DISP1: variants seen among roughly 807,000 people sequenced by gnomAD.
DISP1 encodes the protein protein dispatched homolog 1.
In DISP1, 30 loss-of-function variants were observed where a neutral mutation model predicts 37.3. That is an observed-to-expected ratio of 0.80 (90% CI 0.60 to 1.09). The LOEUF (loss-of-function observed/expected upper bound fraction) is 1.09. Among genes scored for constraint, DISP1 ranks in the 50% least tolerant of loss-of-function variants. The pLI, the probability that DISP1 is intolerant of heterozygous loss-of-function variation, is 0.00. For synonymous variants in DISP1, 634 were observed against 690.2 expected, an observed-to-expected ratio of 0.92 and a Z score of 1.28; for missense variants, 1,598 against 1,879.5, an observed-to-expected ratio of 0.85 and a Z score of 2.77.
chr1:222,849,613 G>A (rs1668112811), intron 1 of DISP1, among the ~76,000 whole-genome samples: 1 of 152,172 alleles, frequency 6.6e-6, no homozygotes, highest in Non-Finnish European at 1.5e-5. Flanking sequence ...AGGAGGCTGT[G>A]AAATTTGAAG....
In DISP1 at chr1:222,869,233, A is replaced by T. The variant is rs555252401; in HGVS notation, c.-159+54155A>T. On this transcript the variant is annotated intron_variant, in intron 1 of 8. Transcript: ENST00000675850. ...AGGCTATTTGTTTGTTTTAGATCAC[A>T]GGTACTAATAAAAGAAAAATATTTT... 3.3e-5 allele frequency among the ~76,000 whole-genome samples: 5 copies of T among 152,280 alleles called. No individual in the cohort carries two copies. The South Asian group carries it at 1.0e-3, about 32-fold the overall frequency.
chr1:222,835,246 T>G (rs1014174225), intron 1 of DISP1: 2 of 152,248 alleles, frequency 1.3e-5, no homozygotes, highest in African/African-American at 4.8e-5. Context: ...AGTCATTTAC[T>G]CTTTAATTTT....
chr1:222,857,021 G>T (rs1317211421), intron 1 of DISP1, among the ~76,000 whole-genome samples: 1 of 152,020 alleles, frequency 6.6e-6, no homozygotes, highest in Admixed American at 6.6e-5. Context: ...ATTATTATTA[G>T]TAATAGAACT....
intron 1 of DISP1, among the ~76,000 whole-genome samples, chr1:222,830,577 T>G (rs976562177): frequency 2.0e-5 from 3 of 152,170 alleles, no homozygotes; most frequent in Admixed American, 1.3e-4. Flanking sequence ...AGACAAGGTT[T>G]AGTTATGTTG....
chr1:222,985,059 GAA>G (rs1366876781), intron 4 of DISP1, among the ~76,000 whole-genome samples: 1 of 151,980 alleles, frequency 6.6e-6, no homozygotes, highest in Non-Finnish European at 1.5e-5. Flanking sequence ...AAACAAGAGA[GAA>G]AGAAAAAATG....
At chr1:222,878,337 A>AAT (rs1670084539) in intron 1 of DISP1, among the ~76,000 whole-genome samples, 1 of 152,200 alleles carries the variant, frequency 6.6e-6, no homozygotes, top group Non-Finnish European at 1.5e-5. Flanking sequence ...TTCTTTTAAA[A>AAT]ATATGAGATC....
At chr1:222,982,446 A>G (rs1257977946) in intron 3 of DISP1, among the ~76,000 whole-genome samples, 1 of 152,204 alleles carries the variant, frequency 6.6e-6, no homozygotes, top group Non-Finnish European at 1.5e-5. Context: ...TTGGAGATTG[A>G]GACTTAGTTT....
rs1209374962 is a variant in DISP1, at chr1:222,937,769, C to CAAGCCAA, written c.-17-5037_-17-5031dup. ...ATCTTGGTGTGGGCACATCACATCTCAAGCCAATGCTTCAATAATAGCTTG... is the reference window on the plus strand; with the variant it reads ...ATCTTGGTGTGGGCACATCACATCTCAAGCCAAAAGCCAATGCTTCAATAATAGCTTG... On this transcript the variant is annotated intron_variant, in intron 2 of 8. Coordinates refer to ENST00000675850, the MANE Select transcript of DISP1 (RefSeq NM_001377229.1). Among the ~76,000 whole-genome samples the CAAGCCAA allele has an allele frequency of 1.4e-4, 20 of 140,808 alleles. No homozygotes were observed. In the East Asian group the frequency reaches 4.1e-3, roughly 29 times the overall value. The allele number at this position is 140,808 out of a possible 152,430, so 92.4% of individuals were successfully genotyped here.
At position 222,992,050 on chromosome 1, in the gene DISP1, A is replaced by T. The variant is rs1484195978; in HGVS notation, c.829A>T (p.Arg277Ter). Residue 277 changes from arginine to a stop codon, truncating the protein, a stop_gained, in exon 7 of 9, where the codon AGA becomes TGA. Coordinates refer to ENST00000675850, the MANE Select transcript of DISP1 (RefSeq NM_001377229.1). LOFTEE classifies it high-confidence loss of function. ...TAGATGGTCAGATGATCATTATGAA[A>T]GAGAGAAAAGAGAAGTTGACTGGAA... is the stretch of plus-strand genomic sequence containing the variant. Reference protein sequence around the residue: ...DDRWSDDHYEREKREVDWNFH... With the variant: ...DDRWSDDHYE 1 of 1,613,898 alleles carries T rather than the reference A, an allele frequency of 6.2e-7. No individual in the cohort carries two copies. The highest frequency in any genetic ancestry group is 1.3e-5 in the African/African-American group (1 of 74,942).
At chr1:222,873,356 C>G (rs191451087) in intron 1 of DISP1, among the ~76,000 whole-genome samples, 238 of 152,242 alleles carry the variant, frequency 1.6e-3, no homozygotes, top group African/African-American at 5.5e-3. Flanking sequence ...GTTGATCTAT[C>G]TAATGTTGAT....
At chr1:222,871,197 T>C (rs989924192) in intron 1 of DISP1, among the ~76,000 whole-genome samples, 2 of 152,200 alleles carry the variant, frequency 1.3e-5, no homozygotes, top group Non-Finnish European at 2.9e-5. Flanking sequence ...ACTGTAGCCT[T>C]GTAGTATAGT....
intron 1 of DISP1, among the ~76,000 whole-genome samples, chr1:222,887,749 C>T (rs1481670125): frequency 9.0e-6 from 1 of 111,440 alleles, no homozygotes; most frequent in Non-Finnish European, 2.1e-5. Flanking sequence ...CCACCCGCCT[C>T]GGCCTCCCAA....
At chr1:222,959,133 C>T (rs1466948487) in intron 3 of DISP1, among the ~76,000 whole-genome samples, 3 of 152,090 alleles carry the variant, frequency 2.0e-5, no homozygotes, top group Non-Finnish European at 2.9e-5. Flanking sequence ...TATGAACACT[C>T]TTCCCTGAGT....
rs140364622 is a variant in DISP1 at position 223,003,171 on chromosome 1, G to A, written c.1774G>A (p.Glu592Lys). 157 of 1,614,148 alleles carry A rather than the reference G, an allele frequency of 9.7e-5. No individual in the cohort carries two copies. The highest frequency in any genetic ancestry group is 7.8e-4 in the Admixed American group (47 of 60,028). The change falls in exon 9 of 9, where the codon GAA becomes AAA. Residue 592 changes from glutamate to lysine, a missense_variant. Transcript: ENST00000675850. The surrounding 1 kb of genome is among the most constrained non-coding windows in gnomAD (Gnocchi z 4.3). ...NYTKFDKPHA[E>K]TSETVSITLQ... is the part of the protein sequence containing the mutation. Reference sequence around the variant, plus strand: ...CACAAAATTTGATAAGCCTCATGCCGAAACCTCAGAAACAGTAAGCATCAC... The same window carrying A: ...CACAAAATTTGATAAGCCTCATGCCAAAACCTCAGAAACAGTAAGCATCAC...
At chr1:222,891,355 C>T (rs1670930852) in intron 1 of DISP1, among the ~76,000 whole-genome samples, 1 of 152,118 alleles carries the variant, frequency 6.6e-6, no homozygotes, top group Admixed American at 6.5e-5. Context: ...AAAGTATTTT[C>T]ACCATTTTCA....
intron 1 of DISP1, among the ~76,000 whole-genome samples, chr1:222,891,735 T>G (rs1222445828): frequency 6.6e-6 from 1 of 152,114 alleles, no homozygotes; most frequent in African/African-American, 2.4e-5. Context: ...GAGAGAGATC[T>G]GATCTCATTT....
In DISP1 at chr1:222,899,441, A is replaced by G. The variant is rs192805278; in HGVS notation, c.-158-28989A>G. On this transcript the variant is annotated intron_variant, in intron 1 of 8. Transcript: ENST00000675850. ...AATAAATGGTTGAGAGTTATTTTGC[A>G]CATTAAATGCTAACTTTTATGTGCA... is the stretch of plus-strand genomic sequence containing the variant. Among the ~76,000 whole-genome samples the G allele has an allele frequency of 2.9e-3, 447 of 152,364 alleles. 3 individuals are homozygous for G. The highest frequency in any genetic ancestry group is 0.01 in the African/African-American group (434 of 41,580).
intron 1 of DISP1, among the ~76,000 whole-genome samples, chr1:222,844,570 A>G (rs776216491): frequency 1.6e-4 from 24 of 152,270 alleles, no homozygotes; most frequent in Non-Finnish European, 2.8e-4. Flanking sequence ...AACTGAAACA[A>G]AAACATTTTA....
chr1:222,865,546 A>C (rs2125333534), intron 1 of DISP1, among the ~76,000 whole-genome samples: 1 of 152,344 alleles, frequency 6.6e-6, no homozygotes, highest in East Asian at 1.9e-4. Flanking sequence ...CAATTTATAC[A>C]AATAGTCTTC....
Sources: allele counts gnomAD v4.1 joint callset (sites outside exome capture counted in the v4.1 genomes callset), GRCh38; gene constraint gnomAD v4.1.1; non-coding constraint Gnocchi (gnomAD v3.1); transcripts MANE v1.5; gene names NCBI Gene and HGNC (gene_info 2026-07-23, HGNC 2026-07-21).